AUNIP: variants seen among roughly 807,000 people sequenced by gnomAD.
The protein encoded by AUNIP is aurora kinase A and ninein interacting protein, also known as aurora kinase A- and ninein-interacting protein.
A neutral mutation model predicts 12.2 loss-of-function variants in AUNIP; 16 were observed. The observed-to-expected ratio is 1.31, with a 90% CI of 0.88 to 1.99. The LOEUF is 1.99. Ranked by LOEUF, AUNIP falls within the 30% of genes most tolerant of loss-of-function variation. AUNIP has a pLI of 0.00. For missense variants in AUNIP, 411 were observed against 419.1 expected (o/e 0.98, Z 0.17); for synonymous variants, 142 against 154.8 (o/e 0.92, Z 0.61).
chr1:25,842,713 C>T (rs1482729767), intron 1 of AUNIP, among the ~76,000 whole-genome samples: 2 of 152,172 alleles, frequency 1.3e-5, no homozygotes, highest in Non-Finnish European at 2.9e-5. Context: ...CAAGGCTCAC[C>T]TAATATTCTG....
chr1:25,837,483 AAAAT>A lies in AUNIP; in HGVS notation c.146_149del (p.Tyr49LeufsTer54), dbSNP rs1376728638. 1 of 1,614,066 alleles carries A rather than the reference AAAAT, an allele frequency of 6.2e-7. No homozygotes were observed. The highest frequency in any genetic ancestry group is 8.5e-7 in the Non-Finnish European group (1 of 1,179,920). ...CTGTAGATGGAGCTCTTCTTTGAGT[AAAAT>A]AAATATTAGCCTTTCTTTCTCCAGG... On this transcript the variant is annotated frameshift_variant, in exon 2 of 3. Coordinates refer to ENST00000374298, the MANE Select transcript of AUNIP (RefSeq NM_024037.3). LOFTEE classifies it high-confidence loss of function.
At chr1:25,845,530 C>G (rs573469299) in intron 1 of AUNIP, among the ~76,000 whole-genome samples, 47 of 152,304 alleles carry the variant, frequency 3.1e-4, no homozygotes, top group Non-Finnish European at 5.7e-4. Context: ...CCAAGCATTC[C>G]TGATTCCCCC....
chr1:25,841,552 G>A (rs994469571), intron 1 of AUNIP, among the ~76,000 whole-genome samples: 2 of 149,828 alleles, frequency 1.3e-5, no homozygotes, highest in Non-Finnish European at 3.0e-5. Context: ...TTTAGATGGA[G>A]TCTCGCTGTC....
intron 1 of AUNIP, among the ~76,000 whole-genome samples, chr1:25,854,752 A>G (rs191255519): frequency 1.3e-5 from 2 of 152,282 alleles, no homozygotes; most frequent in East Asian, 1.9e-4. Flanking sequence ...TGCATTCAAA[A>G]TATCAACTAG....
intron 1 of AUNIP, among the ~76,000 whole-genome samples, chr1:25,839,829 G>A (rs1422302999): frequency 3.3e-5 from 5 of 152,026 alleles, no homozygotes; most frequent in Non-Finnish European, 7.4e-5. Context: ...ACCATGCCTG[G>A]CTAATTTTTG....
At position 25,837,386 on chromosome 1, in the gene AUNIP, G is replaced by A. The variant is rs191520388; in HGVS notation, c.220+27C>T. The stretch of plus-strand genomic sequence containing the variant: ...ACACTCCTTTTTTGCTCTGGATAAT[G>A]AAGTATTCCCATATGGGTCACCATA... On this transcript the variant is annotated intron_variant, in intron 2 of 2. Coordinates refer to ENST00000374298, the MANE Select transcript of AUNIP (RefSeq NM_024037.3). 6 of 1,603,578 alleles carry A rather than the reference G, an allele frequency of 3.7e-6. No individual in the cohort carries two copies. The African/African-American group carries it at 5.4e-5, about 14-fold the overall frequency.
At chr1:25,859,127 C>G (rs1409822279) in intron 1 of AUNIP, among the ~76,000 whole-genome samples, 153 bp downstream of exon 1, 1 of 152,128 alleles carries the variant, frequency 6.6e-6, no homozygotes, top group Non-Finnish European at 1.5e-5. Flanking sequence ...TTCTTCAGAC[C>G]ACAATCCCTC....
chr1:25,835,433 C>G lies in AUNIP; in HGVS notation c.634G>C (p.Glu212Gln), dbSNP rs149032187. ...HESKKNYQSMEKHTKLPGDKC... is the reference protein window; with the variant it reads ...HESKKNYQSMQKHTKLPGDKC... The stretch of plus-strand genomic sequence containing the variant: ...TCCCCAGGTAGTTTGGTGTGTTTCT[C>G]CATACTCTGATAGTTCTTCTTAGAC... Residue 212 changes from glutamate to glutamine, a missense_variant, in exon 3 of 3, where the codon GAG becomes CAG. By Grantham distance (29) the Glu-to-Gln change is conservative (BLOSUM62 2). Coordinates refer to ENST00000374298, the MANE Select transcript of AUNIP (RefSeq NM_024037.3). 1 of 1,614,228 alleles carries G rather than the reference C, an allele frequency of 6.2e-7. No individual in the cohort carries two copies. The highest frequency in any genetic ancestry group is 8.5e-7 in the Non-Finnish European group (1 of 1,180,050).
intron 1 of AUNIP, among the ~76,000 whole-genome samples, chr1:25,850,702 AT>A (rs1215541413): frequency 3.9e-5 from 6 of 151,964 alleles, no homozygotes; most frequent in African/African-American, 1.4e-4. Flanking sequence ...CCTTAGTTTC[AT>A]TTTTTGGATA....
At chr1:25,856,716 T>C (rs998022663) in intron 1 of AUNIP, among the ~76,000 whole-genome samples, 3 of 152,168 alleles carry the variant, frequency 2.0e-5, no homozygotes, top group Non-Finnish European at 4.4e-5. Flanking sequence ...AACAGAATTA[T>C]AGACAGAGAG....
intron 1 of AUNIP, among the ~76,000 whole-genome samples, chr1:25,853,336 C>T (rs1364408858): frequency 1.3e-5 from 2 of 152,192 alleles, no homozygotes; most frequent in African/African-American, 4.8e-5. Flanking sequence ...GTGGCTCATG[C>T]CTGTAATCCC....
intron 1 of AUNIP, among the ~76,000 whole-genome samples, chr1:25,843,382 C>T (rs77591196): frequency 0.21 from 32,101 of 150,376 alleles, 3,693 homozygotes; most frequent in African/African-American, 0.27. Context: ...ACAGGTGCCA[C>T]AGATAAATCC....
chr1:25,834,690 G>T lies in AUNIP; in HGVS notation c.*303C>A. The T allele has an allele frequency of 8.7e-7, 1 of 1,143,926 alleles. No individual in the cohort carries two copies. The highest frequency in any genetic ancestry group is 1.1e-6 in the Non-Finnish European group (1 of 929,774). The allele number at this position is 1,143,926 out of a possible 1,614,324, so 70.9% of individuals were successfully genotyped here. On this transcript the variant is annotated 3_prime_UTR_variant, in exon 3 of 3. Coordinates refer to ENST00000374298, the MANE Select transcript of AUNIP (RefSeq NM_024037.3). ...TCTGGAAGGGCAAAGAGATGGCTCT[G>T]TGCAGGCTGAGTAAAAGGCACTTTC... is the stretch of plus-strand genomic sequence containing the variant.
rs139437657 is a variant in AUNIP at position 25,859,437 on chromosome 1, A to G, written c.-80T>C. On this transcript the variant is annotated 5_prime_UTR_variant, in exon 1 of 3. Coordinates refer to ENST00000374298, the MANE Select transcript of AUNIP (RefSeq NM_024037.3). ...GGGAACGCCAGAACCGCGGCCGCCG[A>G]CGTTCGGATCTCGCGCCAACGCTGG... 31 of 1,312,104 alleles carry G rather than the reference A, an allele frequency of 2.4e-5. No homozygotes were observed. Among genetic ancestry groups the G allele is most frequent in the Middle Eastern group, 2.6e-4 (1 of 3,910 alleles). 81.3% of individuals were successfully genotyped at this position (1,312,104 alleles called of 1,614,324 possible).
At chr1:25,854,574 G>T (rs1396640901) in intron 1 of AUNIP, among the ~76,000 whole-genome samples, 1 of 152,118 alleles carries the variant, frequency 6.6e-6, no homozygotes, top group Non-Finnish European at 1.5e-5. Flanking sequence ...ATACAATTTG[G>T]AACGGGCATA....
chr1:25,837,588 A>G lies in AUNIP; in HGVS notation c.79-34T>C, dbSNP rs370082690. On this transcript the variant is annotated intron_variant, in intron 1 of 2. Coordinates refer to ENST00000374298, the MANE Select transcript of AUNIP (RefSeq NM_024037.3). ...GGAGAGAAAAAAGAATAATGAGCCT[A>G]TTAATATTAAAAGACATACAGTAGA... The G allele has an allele frequency of 2.3e-4, 367 of 1,593,772 alleles. 3 individuals carry two copies. Among genetic ancestry groups the G allele is most frequent in the Non-Finnish European group, 2.7e-5 (32 of 1,166,938 alleles).
chr1:25,848,723 A>G (rs1332114522), intron 1 of AUNIP, among the ~76,000 whole-genome samples: 2 of 152,202 alleles, frequency 1.3e-5, no homozygotes, highest in Non-Finnish European at 2.9e-5. Flanking sequence ...GTCAGCAGGA[A>G]GGTGAGTCAA....
intron 1 of AUNIP, among the ~76,000 whole-genome samples, chr1:25,842,720 T>G (rs759151214): frequency 3.9e-5 from 6 of 152,210 alleles, no homozygotes; most frequent in Non-Finnish European, 7.3e-5. Flanking sequence ...CACCTAATAT[T>G]CTGAAAATCC....
At chr1:25,842,635 T>C (rs1486455433) in intron 1 of AUNIP, among the ~76,000 whole-genome samples, 1 of 152,244 alleles carries the variant, frequency 6.6e-6, no homozygotes, top group Non-Finnish European at 1.5e-5. Context: ...AGTCAATGCC[T>C]GGCTCCAAAG....
Sources: allele counts gnomAD v4.1 joint callset (sites outside exome capture counted in the v4.1 genomes callset), GRCh38; gene constraint gnomAD v4.1.1; transcripts MANE v1.5; gene names NCBI Gene and HGNC (gene_info 2026-07-23, HGNC 2026-07-21).